The following SPOCK3 variants were observed in gnomAD, a reference collection of about 807,000 sequenced individuals.
SPOCK3 encodes testican-3.
Under a neutral mutation model 56.6 loss-of-function variants are expected in SPOCK3, and 30 were observed. The observed-to-expected ratio is 0.53, with a 90% CI of 0.40 to 0.72. The LOEUF (loss-of-function observed/expected upper bound fraction) is 0.72. SPOCK3 is among the 30% of genes least tolerant of loss of function. The probability of loss-of-function intolerance (pLI) is 0.00; values close to 1 mark genes in which losing one functional copy is unlikely to be tolerated. For synonymous variants in SPOCK3, 196 were observed against 183.3 expected, an observed-to-expected ratio of 1.07 and a Z score of -0.56; for missense variants, 527 against 530.0, an observed-to-expected ratio of 0.99 and a Z score of 0.06.
At chr4:167,028,278 G>A (rs1000204615) in intron 3 of SPOCK3, among the ~76,000 whole-genome samples, 1 of 151,114 alleles carries the variant, frequency 6.6e-6, no homozygotes, top group African/African-American at 2.4e-5. Flanking sequence ...TTGGGAGACT[G>A]AGGCAAGAGG....
Position 166,912,654 on chromosome 4 carries a change from A to G in SPOCK3, c.440T>C (p.Val147Ala). The G allele has an allele frequency of 6.2e-7, 1 of 1,613,726 alleles. No individual in the cohort carries two copies. Among genetic ancestry groups the G allele is most frequent in the Non-Finnish European group, 8.5e-7 (1 of 1,179,816 alleles). Residue 147 changes from valine to alanine, a missense_variant, in exon 5 of 11, where the codon GTT becomes GCT. By Grantham distance (64) the Val-to-Ala change is moderately conservative. Coordinates refer to ENST00000357545, the MANE Select transcript of SPOCK3 (RefSeq NM_001040159.2). ...KQCPVVYPSP[V>A]CGSDGHTYSF... The stretch of plus-strand genomic sequence containing the variant: ...GTAGGTATGACCATCTGAACCACAA[A>G]CAGGGCTGGGATAGACCACTGGGCA...
At position 167,155,732 on chromosome 4, in the gene SPOCK3, C is replaced by T. The variant is rs567852234; in HGVS notation, c.189+78253G>A. ...GGTCAAAGAAGTTAAATGAAAATAGCAGGGAGAAAAATATTGACTGCAATA... is the reference window on the plus strand; with the variant it reads ...GGTCAAAGAAGTTAAATGAAAATAGTAGGGAGAAAAATATTGACTGCAATA... On this transcript the variant is annotated intron_variant, in intron 2 of 10. Coordinates refer to ENST00000357545, the MANE Select transcript of SPOCK3 (RefSeq NM_001040159.2). 3.3e-5 allele frequency among the ~76,000 whole-genome samples: 5 copies of T among 152,052 alleles called. No individual in the cohort carries two copies. In the South Asian group the frequency reaches 1.0e-3, roughly 32 times the overall value.
intron 7 of SPOCK3, among the ~76,000 whole-genome samples, chr4:166,783,944 A>T (rs1934218004): frequency 6.6e-6 from 1 of 151,872 alleles, no homozygotes; most frequent in South Asian, 2.1e-4. Flanking sequence ...TTTTCTGCAG[A>T]TTTCTTAACC....
At chr4:166,889,391 A>T (rs571175707) in intron 5 of SPOCK3, 147 bp from the exon 6 acceptor site, 2 of 593,658 alleles carry the variant, frequency 3.4e-6, no homozygotes, top group East Asian at 5.6e-5. Context: ...CTAAAGTGCA[A>T]TATTACACAC....
At chr4:167,108,814 ATTGT>A (rs1382389907) in intron 2 of SPOCK3, among the ~76,000 whole-genome samples, 53 of 149,602 alleles carry the variant, frequency 3.5e-4, no homozygotes, top group African/African-American at 1.2e-3. Flanking sequence ...GTATAATTGG[ATTGT>A]TTGTTACACA....
chr4:166,837,923 A>G (rs1047476570), intron 6 of SPOCK3, among the ~76,000 whole-genome samples: 1 of 152,132 alleles, frequency 6.6e-6, no homozygotes, highest in East Asian at 1.9e-4. Flanking sequence ...TAATTCTTGA[A>G]AGATATTTTC....
intron 2 of SPOCK3, among the ~76,000 whole-genome samples, chr4:167,160,367 A>G (rs1250215866): frequency 2.0e-5 from 3 of 152,094 alleles, no homozygotes; most frequent in Non-Finnish European, 4.4e-5. Flanking sequence ...GAGAACTACA[A>G]ACCACTGCTC....
chr4:166,825,966 C>T (rs1318136464), intron 6 of SPOCK3, among the ~76,000 whole-genome samples: 1 of 151,938 alleles, frequency 6.6e-6, no homozygotes, highest in Non-Finnish European at 1.5e-5. Context: ...GTGACAGGTG[C>T]ACCAAAATCT....
rs567380396 is a variant in SPOCK3 at position 166,907,841 on chromosome 4, A to T, written c.474+4779T>A. 8.5e-5 allele frequency among the ~76,000 whole-genome samples: 13 copies of T among 152,130 alleles called. No individual in the cohort carries two copies. In the East Asian group the frequency reaches 2.3e-3, roughly 27 times the overall value. On this transcript the variant is annotated intron_variant, in intron 5 of 10. Transcript: ENST00000357545. ...TAATAAGAAAGTATCCCCATAAATG[A>T]TCATGATAATGTTCTGGTGCTGTAA...
At chr4:166,874,571 C>T (rs1451217763) in intron 6 of SPOCK3, among the ~76,000 whole-genome samples, 1 of 152,156 alleles carries the variant, frequency 6.6e-6, no homozygotes. Flanking sequence ...CATGTAATTG[C>T]TAATCTCCTC....
chr4:166,999,359 T>G (rs1335428807), intron 4 of SPOCK3, among the ~76,000 whole-genome samples: 3 of 152,138 alleles, frequency 2.0e-5, no homozygotes, highest in Admixed American at 1.3e-4. Flanking sequence ...TATGTCCTCT[T>G]ACATTATGAG....
At chr4:167,036,092 C>G (rs1225833566) in intron 3 of SPOCK3, among the ~76,000 whole-genome samples, 3 of 152,164 alleles carry the variant, frequency 2.0e-5, no homozygotes, top group Non-Finnish European at 2.9e-5. Context: ...TTTAATCTAT[C>G]TTGCCCAAAT....
At chr4:167,117,626 G>T (rs1372591870) in intron 2 of SPOCK3, among the ~76,000 whole-genome samples, 1 of 152,148 alleles carries the variant, frequency 6.6e-6, no homozygotes, top group Non-Finnish European at 1.5e-5. Context: ...GTACAAAACA[G>T]CAAGCAACTG....
intron 3 of SPOCK3, among the ~76,000 whole-genome samples, chr4:167,001,480 C>T (rs1015383432): frequency 6.6e-6 from 1 of 152,140 alleles, no homozygotes; most frequent in South Asian, 2.1e-4. Flanking sequence ...CTTTATATTG[C>T]TGAATATTAT....
chr4:166,843,050 C>T (rs944229350), intron 6 of SPOCK3, among the ~76,000 whole-genome samples: 1 of 152,220 alleles, frequency 6.6e-6, no homozygotes, highest in Non-Finnish European at 1.5e-5. Context: ...GGCGCACCCT[C>T]CGCAGCTGCT....
rs544818964 is a variant in SPOCK3, at chr4:166,781,205, G to A, written c.709+10965C>T. On this transcript the variant is annotated intron_variant, in intron 7 of 10. Coordinates refer to ENST00000357545, the MANE Select transcript of SPOCK3 (RefSeq NM_001040159.2). ...AAGAAAATAAACCAACAATAAACACGGCCAAGAGACAAAGCACTTGATAGA... is the reference window on the plus strand; with the variant it reads ...AAGAAAATAAACCAACAATAAACACAGCCAAGAGACAAAGCACTTGATAGA... 9.2e-5 allele frequency among the ~76,000 whole-genome samples: 14 copies of A among 152,072 alleles called. No homozygotes were observed. In the South Asian group the frequency reaches 1.2e-3, roughly 14 times the overall value.
chr4:166,770,450 A>C (rs1463626437), intron 7 of SPOCK3, among the ~76,000 whole-genome samples: 3 of 152,160 alleles, frequency 2.0e-5, no homozygotes, highest in Non-Finnish European at 4.4e-5. Context: ...CTGCAATCTT[A>C]GTTCCATTTG....
intron 6 of SPOCK3, among the ~76,000 whole-genome samples, chr4:166,813,877 G>T (rs1233017832): frequency 1.3e-5 from 2 of 151,900 alleles, no homozygotes; most frequent in Non-Finnish European, 2.9e-5. Flanking sequence ...TCTAATTTGA[G>T]GCACTAAGGA....
intron 6 of SPOCK3, among the ~76,000 whole-genome samples, chr4:166,847,647 T>TTTTATATATATATA (rs369353581): frequency 1.6e-4 from 9 of 55,404 alleles, no homozygotes; most frequent in African/African-American, 3.1e-4. Context: ...AAATCCTAGT[T>TTTTATATATATATA]TATATATATA....
Sources: gnomAD v4.1 joint callset for allele counts (sites outside exome capture counted in the v4.1 genomes callset) on GRCh38, gnomAD v4.1.1 for gene constraint, MANE v1.5 for transcripts, NCBI Gene and HGNC (gene_info 2026-07-23, HGNC 2026-07-21) for gene names.